LTN1: variants seen among roughly 807,000 people sequenced by gnomAD.
LTN1 encodes listerin E3 ubiquitin protein ligase 1.
In LTN1, 88 loss-of-function variants were observed where a neutral mutation model predicts 201.2. That is an observed-to-expected ratio of 0.44 (90% CI 0.37 to 0.52). The LOEUF (loss-of-function observed/expected upper bound fraction) is 0.52. Ranked by LOEUF, LTN1 falls within the 20% of genes least tolerant of loss-of-function variation. The pLI, the probability that LTN1 is intolerant of heterozygous loss-of-function variation, is 0.00. For missense variants in LTN1, 1,752 were observed against 2,038.7 expected (o/e 0.86, Z 2.71); for synonymous variants, 645 against 713.5 (o/e 0.90, Z 1.53).
chr21:28,986,845 G>A lies in LTN1; in HGVS notation c.132C>T (p.Asp44=), dbSNP rs775069877. 21 of 1,613,820 alleles carry A rather than the reference G, an allele frequency of 1.3e-5. No homozygotes were observed. The highest frequency in any genetic ancestry group is 1.8e-5 in the Non-Finnish European group (21 of 1,179,750). Residue 44 remains aspartate, a synonymous_variant, in exon 2 of 30, where the codon GAC becomes GAT. Transcript: ENST00000361371. This position sits in a 1 kb window ranked among gnomAD's most constrained non-coding sequence, Gnocchi z 4.1. ...GFIGFGTSQS[D]LGYVPAIQGA... ...CTTGAATAGCAGGAACATAGCCTAG[G>A]TCACTCTGAGATGTTCCAAAACCAA... is the stretch of plus-strand genomic sequence containing the variant.
intron 24 of LTN1, 100 bp downstream of exon 24, chr21:28,943,162 A>G (rs2084310470): frequency 1.4e-5 from 9 of 637,846 alleles, no homozygotes; most frequent in Non-Finnish European, 2.5e-5. Flanking sequence ...TAGAATGAAT[A>G]TAACTCTATA....
At position 28,960,537 on chromosome 21, in the gene LTN1, A is replaced by G. The variant is rs772125244; in HGVS notation, c.2333T>C (p.Leu778Ser). 6.2e-7 allele frequency: 1 copy of G among 1,613,018 alleles called. No homozygotes were observed. Among genetic ancestry groups the G allele is most frequent in the South Asian group, 1.1e-5 (1 of 90,920 alleles). The change falls in exon 12 of 30, where the codon TTA becomes TCA. Residue 778 changes from leucine to serine, a missense_variant. Leu to Ser is a moderately radical substitution (Grantham distance 145). Coordinates refer to ENST00000361371, the MANE Select transcript of LTN1 (RefSeq NM_015565.3). ...CCTACCATTTTTAACATGTTGGGAT[A>G]ATACCAAGCTTAGAAGAGTCCATCT... ...SERWTLLSLV[L>S]SQHVKNDYLI...
chr21:28,966,742 A>G lies in LTN1; in HGVS notation c.1749T>C (p.Ser583=). ...CTTCCAAAGGTTTTTTCCTTAGAGG[A>G]GACAAAAGGCCTGAAGAATTATGAG... ...SLTHNSSGLL[S]PLRKKPLEDL... is the part of the protein sequence containing the mutation. The change falls in exon 10 of 30, where the codon TCT becomes TCC. Residue 583 remains serine (S), a synonymous_variant. Coordinates refer to ENST00000361371, the MANE Select transcript of LTN1 (RefSeq NM_015565.3). 1 of 1,614,076 alleles carries G rather than the reference A, an allele frequency of 6.2e-7. No individual in the cohort carries two copies.
chr21:28,984,356 G>A (rs1444873298), intron 4 of LTN1, among the ~76,000 whole-genome samples: 3 of 151,660 alleles, frequency 2.0e-5, no homozygotes, highest in Admixed American at 2.0e-4. Context: ...TATATATATT[G>A]ATATGGAAAC....
At chr21:28,966,308 A>C in intron 10 of LTN1, 62 bp downstream of exon 10, 1 of 1,327,714 alleles carries the variant, frequency 7.5e-7, no homozygotes, top group Non-Finnish European at 1.0e-6. Context: ...AGAAAACAAT[A>C]AGCAGGCTCA....
At chr21:28,992,218 TGAAGA>T (rs1213077670) in intron 1 of LTN1, among the ~76,000 whole-genome samples, 1 of 151,940 alleles carries the variant, frequency 6.6e-6, no homozygotes, top group Non-Finnish European at 1.5e-5. Flanking sequence ...CAAGGCACAG[TGAAGA>T]GATCAGTGTG....
intron 11 of LTN1, among the ~76,000 whole-genome samples, chr21:28,965,643 G>A (rs1158740496): frequency 3.3e-5 from 5 of 152,034 alleles, no homozygotes; most frequent in Non-Finnish European, 5.9e-5. Context: ...TCCAGAGCCT[G>A]TTCATTTTTC....
intron 9 of LTN1, chr21:28,967,874 A>G (rs2084539767): frequency 6.6e-6 from 1 of 152,066 alleles, no homozygotes; most frequent in Admixed American, 6.5e-5. Flanking sequence ...GTCAGAATTG[A>G]ATTGGAGGAC....
intron 11 of LTN1, chr21:28,964,587 A>G (rs1292195817): frequency 1.3e-6 from 2 of 1,536,658 alleles, no homozygotes; most frequent in African/African-American, 2.8e-5. Context: ...GATGTCTCTG[A>G]GATATGCCAG....
At chr21:28,989,585 C>A (rs1458045458) in intron 1 of LTN1, among the ~76,000 whole-genome samples, 1 of 151,984 alleles carries the variant, frequency 6.6e-6, no homozygotes. Flanking sequence ...ACTTACAAGA[C>A]CTTTCACCAT....
At chr21:28,973,119 G>A (rs1332856435) in intron 6 of LTN1, among the ~76,000 whole-genome samples, 8 of 151,880 alleles carry the variant, frequency 5.3e-5, no homozygotes, top group Non-Finnish European at 1.2e-4. Context: ...AGGCTGAGGC[G>A]GGCAGATCAC....
In LTN1 at chr21:28,942,781, C is replaced by T. The variant is rs571196525; in HGVS notation, c.4295+481G>A. On this transcript the variant is annotated intron_variant, in intron 24 of 29. Transcript: ENST00000361371. Reference sequence around the variant, plus strand: ...TACATTAATTGTGCCCTCATACATGCTATCTTATATAGGCCTAACTGACCT... The same window carrying T: ...TACATTAATTGTGCCCTCATACATGTTATCTTATATAGGCCTAACTGACCT... Among the ~76,000 whole-genome samples, 295 of 152,122 alleles carry T rather than the reference C, an allele frequency of 1.9e-3. 3 individuals carry two copies. The highest frequency in any genetic ancestry group is 6.9e-3 in the African/African-American group (288 of 41,490).
At chr21:28,965,083 T>A (rs893242834) in intron 11 of LTN1, among the ~76,000 whole-genome samples, 3 of 152,224 alleles carry the variant, frequency 2.0e-5, no homozygotes, top group Non-Finnish European at 4.4e-5. Context: ...GATGTAAATA[T>A]ACTTGATGCT....
chr21:28,978,165 C>A (rs1206902604), intron 6 of LTN1, among the ~76,000 whole-genome samples: 1 of 152,006 alleles, frequency 6.6e-6, no homozygotes, highest in Non-Finnish European at 1.5e-5. Context: ...GCAGCTGGGA[C>A]AATAGGGGTG....
intron 11 of LTN1, among the ~76,000 whole-genome samples, chr21:28,961,868 G>A (rs551940361): frequency 1.9e-4 from 29 of 152,168 alleles, no homozygotes; most frequent in African/African-American, 6.5e-4. Flanking sequence ...AATATTAGCT[G>A]GGCATAGTGG....
intron 6 of LTN1, among the ~76,000 whole-genome samples, chr21:28,979,720 A>T (rs2084643985): frequency 6.6e-6 from 1 of 152,188 alleles, no homozygotes; most frequent in South Asian, 2.1e-4. Flanking sequence ...CTGTAATCCC[A>T]GCACTTTGGG....
At chr21:28,936,769 G>T in intron 25 of LTN1, 72 bp from the exon 26 acceptor site, 1 of 1,181,860 alleles carries the variant, frequency 8.5e-7, no homozygotes, top group Non-Finnish European at 1.2e-6. Flanking sequence ...ACAACTCAAA[G>T]TGTAACAAAT....
chr21:28,961,465 TC>T, intron 11 of LTN1: 1 of 168,130 alleles, frequency 5.9e-6, no homozygotes. Context: ...TGATCCATGT[TC>T]CCAGAGCTTC....
In LTN1 at chr21:28,947,445, T is replaced by C; in HGVS notation, c.3487+19A>G. ...AGCAATAATTAAATTAATGAAATAT[T>C]TATTATCAAGCAACTAACCATTAGT... On this transcript the variant is annotated intron_variant, in intron 19 of 29. Coordinates refer to ENST00000361371, the MANE Select transcript of LTN1 (RefSeq NM_015565.3). 6.7e-7 allele frequency: 1 copy of C among 1,499,836 alleles called. No homozygotes were observed. Among genetic ancestry groups the C allele is most frequent in the Non-Finnish European group, 8.8e-7 (1 of 1,130,004 alleles). The allele number at this position is 1,499,836 out of a possible 1,614,324, so 92.9% of individuals were successfully genotyped here. A position where few individuals can be genotyped will look rare whatever the true frequency, so the allele number is the denominator to read the frequency against.
Sources: gnomAD v4.1 joint callset for allele counts (sites outside exome capture counted in the v4.1 genomes callset) on GRCh38, gnomAD v4.1.1 for gene constraint, Gnocchi (gnomAD v3.1) non-coding constraint, MANE v1.5 for transcripts, NCBI Gene and HGNC (gene_info 2026-07-23, HGNC 2026-07-21) for gene names.